ATP2B4: variants seen among roughly 807,000 people sequenced by gnomAD.
ATP2B4 encodes plasma membrane calcium-transporting ATPase 4.
In ATP2B4, 39 loss-of-function variants were observed where a neutral mutation model predicts 110.3. The observed-to-expected ratio is 0.35, with a 90% CI of 0.27 to 0.46. ATP2B4 has a LOEUF of 0.46. Ranked by LOEUF, ATP2B4 falls within the 20% of genes least tolerant of loss-of-function variation. The pLI is 1.00. For synonymous variants in ATP2B4, 538 were observed against 571.7 expected (o/e 0.94, Z 0.84); for missense variants, 1,135 against 1,530.9 (o/e 0.74, Z 4.32).
At chr1:203,721,733 G>C (rs974750883) in intron 17 of ATP2B4, among the ~76,000 whole-genome samples, 1 of 150,426 alleles carries the variant, frequency 6.6e-6, no homozygotes, top group African/African-American at 2.5e-5. Context: ...CGCTAACTCG[G>C]GTCACTGCAA....
intron 17 of ATP2B4, among the ~76,000 whole-genome samples, chr1:203,721,875 C>T (rs7522785): frequency 6.6e-6 from 1 of 151,654 alleles, no homozygotes; most frequent in Non-Finnish European, 1.5e-5. Context: ...GTTGGCCAGG[C>T]TGGGCTCGAT....
At chr1:203,651,009 T>C (rs544440687) in intron 1 of ATP2B4, among the ~76,000 whole-genome samples, 6 of 152,192 alleles carry the variant, frequency 3.9e-5, no homozygotes, top group Non-Finnish European at 8.8e-5. Context: ...TCCTGGGCTC[T>C]AGTGATCCTC....
chr1:203,678,392 C>CTTTTTT (rs35598967), intron 1 of ATP2B4, among the ~76,000 whole-genome samples: 30 of 100,192 alleles, frequency 3.0e-4, no homozygotes, highest in South Asian at 8.0e-4. Flanking sequence ...TTTCTAGAGG[C>CTTTTTT]TTTTTTTTTT....
intron 1 of ATP2B4, among the ~76,000 whole-genome samples, chr1:203,665,954 A>G (rs1024708357): frequency 1.3e-5 from 2 of 152,188 alleles, no homozygotes; most frequent in African/African-American, 2.4e-5. Flanking sequence ...GTTGGTGGGA[A>G]AAGCAGAGGA....
intron 1 of ATP2B4, among the ~76,000 whole-genome samples, chr1:203,674,669 T>TTTTC (rs1345866898): frequency 2.6e-5 from 2 of 77,576 alleles, no homozygotes; most frequent in Non-Finnish European, 5.6e-5. Flanking sequence ...TTTTTTTTTT[T>TTTTC]TTTCTGAGAT....
At chr1:203,655,100 G>C (rs546852164) in intron 1 of ATP2B4, among the ~76,000 whole-genome samples, 123 of 152,236 alleles carry the variant, frequency 8.1e-4, no homozygotes, top group Non-Finnish European at 1.4e-3. Flanking sequence ...TGACTGAATT[G>C]CTGCCATCTC....
At chr1:203,679,775 G>A (rs1664942654) in intron 1 of ATP2B4, among the ~76,000 whole-genome samples, 1 of 151,982 alleles carries the variant, frequency 6.6e-6, no homozygotes, top group Admixed American at 6.6e-5. Context: ...TCAGCTACTT[G>A]GGAGACTGAG....
At chr1:203,646,008 G>A (rs916992077) in intron 1 of ATP2B4, among the ~76,000 whole-genome samples, 21 of 151,694 alleles carry the variant, frequency 1.4e-4, no homozygotes, top group Admixed American at 2.6e-4. Flanking sequence ...TTGTTTTCTC[G>A]GTGTACTTTA....
rs1307081065 is a variant in ATP2B4 at position 203,629,041 on chromosome 1, G to A, written c.-465+1822G>A. Reference sequence around the variant, plus strand: ...CCCAGGGCTTGGAGGAGTGGTAAAGGCTACAGCTGAGACACTGCGGGAGAA... The same window carrying A: ...CCCAGGGCTTGGAGGAGTGGTAAAGACTACAGCTGAGACACTGCGGGAGAA... On this transcript the variant is annotated intron_variant, in intron 1 of 20. Transcript: ENST00000357681. The surrounding 1 kb of genome is among the most constrained non-coding windows in gnomAD (Gnocchi z 4.6). 1.3e-5 allele frequency among the ~76,000 whole-genome samples: 2 copies of A among 152,158 alleles called. No individual in the cohort carries two copies. Among genetic ancestry groups the A allele is most frequent in the African/African-American group, 4.8e-5 (2 of 41,420 alleles).
At chr1:203,703,882 C>G in intron 8 of ATP2B4, 69 bp downstream of exon 8, 1 of 1,525,224 alleles carries the variant, frequency 6.6e-7, no homozygotes, top group Non-Finnish European at 8.8e-7. Context: ...TTATCCCCTT[C>G]TTTCTGCACC....
At chr1:203,655,741 T>C (rs1388406671) in intron 1 of ATP2B4, among the ~76,000 whole-genome samples, 1 of 152,240 alleles carries the variant, frequency 6.6e-6, no homozygotes, top group Non-Finnish European at 1.5e-5. Flanking sequence ...GAAGTCTCAC[T>C]AAAAAGTCAA....
rs118145933 is a variant in ATP2B4 at position 203,738,398 on chromosome 1, C to T, written c.3310-1148C>T. ...TGCCTGTGGACAAGCAAAAGCTGTT[C>T]ACAGGCATCAATTATTGTCAGTTTT... On this transcript the variant is annotated intron_variant, in intron 20 of 20. Transcript: ENST00000357681. Among the ~76,000 whole-genome samples, 233 of 152,308 alleles carry T rather than the reference C, an allele frequency of 1.5e-3. 3 individuals are homozygous for T. In the East Asian group the frequency reaches 0.027, roughly 18 times the overall value.
intron 2 of ATP2B4, among the ~76,000 whole-genome samples, chr1:203,686,506 G>T (rs893154102): frequency 6.6e-6 from 1 of 152,032 alleles, no homozygotes; most frequent in South Asian, 2.1e-4. Flanking sequence ...CATAGCTAAT[G>T]CTCTTGGATC....
chr1:203,712,608 G>A (rs1342364394), intron 13 of ATP2B4, among the ~76,000 whole-genome samples: 1 of 151,098 alleles, frequency 6.6e-6, no homozygotes, highest in Non-Finnish European at 1.5e-5. Context: ...AAAAAAAAAA[G>A]AGGGGGGGAG....
At chr1:203,666,077 G>T (rs906636110) in intron 1 of ATP2B4, among the ~76,000 whole-genome samples, 2 of 152,206 alleles carry the variant, frequency 1.3e-5, no homozygotes, top group Admixed American at 6.5e-5. Flanking sequence ...CTTTGAGAAG[G>T]TGGTGGAGCA....
intron 1 of ATP2B4, among the ~76,000 whole-genome samples, chr1:203,645,590 C>CTT (rs751707749): frequency 1.9e-4 from 27 of 138,492 alleles, no homozygotes; most frequent in Non-Finnish European, 2.7e-4. Context: ...CCTTTTCTTT[C>CTT]TTTTTTTTTT....
chr1:203,713,677 C>T (rs1354865382), intron 14 of ATP2B4, among the ~76,000 whole-genome samples: 1 of 152,114 alleles, frequency 6.6e-6, no homozygotes, highest in Non-Finnish European at 1.5e-5. Flanking sequence ...GTTGACCAGG[C>T]TGGTCTCGAA....
intron 1 of ATP2B4, among the ~76,000 whole-genome samples, chr1:203,639,181 G>A (rs1663553074): frequency 6.6e-6 from 1 of 152,240 alleles, no homozygotes; most frequent in Admixed American, 6.5e-5. Context: ...CAGGTTGGCT[G>A]CTGAGCTCTG....
chr1:203,630,347 TTCTCTC>T (rs61003306), intron 1 of ATP2B4, among the ~76,000 whole-genome samples: 22 of 101,866 alleles, frequency 2.2e-4, no homozygotes, highest in African/African-American at 6.3e-4. Context: ...GAAACCCCTT[TTCTCTC>T]TCTCTCTCTC....
Sources: allele counts gnomAD v4.1 joint callset (sites outside exome capture counted in the v4.1 genomes callset), GRCh38; gene constraint gnomAD v4.1.1; non-coding constraint Gnocchi (gnomAD v3.1); transcripts MANE v1.5; gene names NCBI Gene and HGNC (gene_info 2026-07-23, HGNC 2026-07-21).